Variants in GRXCR2 observed in about 807,000 individuals in gnomAD.
GRXCR2 encodes the protein glutaredoxin domain-containing cysteine-rich protein 2.
Under a neutral mutation model 24.8 loss-of-function variants are expected in GRXCR2, and 23 were observed. That is an observed-to-expected ratio of 0.93 (90% CI 0.67 to 1.32). The LOEUF (loss-of-function observed/expected upper bound fraction) is 1.32, where lower values mean the gene tolerates loss of function less well. Among genes scored for constraint, GRXCR2 ranks in the 40% most tolerant of loss-of-function variants. GRXCR2 has a pLI of 0.00. For missense variants in GRXCR2, 315 were observed against 303.4 expected (o/e 1.04, Z -0.28); for synonymous variants, 130 against 116.1 (o/e 1.12, Z -0.77).
At chr5:145,894,322 C>CA (rs551168952) in intron 2 of GRXCR2, among the ~76,000 whole-genome samples, 3,133 of 152,146 alleles carry the variant, frequency 0.021, 107 homozygotes, top group African/African-American at 0.072. Context: ...AAAAACCCTT[C>CA]AAAAAATCAA....
In GRXCR2 at chr5:145,858,964, A is replaced by G. The variant is rs1460319982; in HGVS notation, c.*769T>C. The stretch of plus-strand genomic sequence containing the variant: ...CTTAAAGTGGATTTATTTATTTGGT[A>G]GTAATTCAGGGGCTCGAAGAAGTTA... On this transcript the variant is annotated 3_prime_UTR_variant, in exon 3 of 3. Transcript: ENST00000377976. 1.3e-5 allele frequency: 2 copies of G among 152,238 alleles called. No homozygotes were observed. The highest frequency in any genetic ancestry group is 2.9e-5 in the Non-Finnish European group (2 of 68,040). 9.4% of individuals were successfully genotyped at this position (152,238 alleles called of 1,614,324 possible).
At chr5:145,872,328 A>G (rs1756544877) in intron 1 of GRXCR2, among the ~76,000 whole-genome samples, 1 of 152,212 alleles carries the variant, frequency 6.6e-6, no homozygotes, top group African/African-American at 2.4e-5. Context: ...CAACCTGAAA[A>G]CCACTGCACC....
At chr5:145,894,499 A>G (rs1387522658) in intron 2 of GRXCR2, among the ~76,000 whole-genome samples, 3 of 152,236 alleles carry the variant, frequency 2.0e-5, no homozygotes, top group Non-Finnish European at 4.4e-5. Context: ...AGAATACTAT[A>G]AACACTTCTA....
chr5:145,861,052 C>T (rs892505477), intron 2 of GRXCR2, among the ~76,000 whole-genome samples: 4 of 151,788 alleles, frequency 2.6e-5, no homozygotes, highest in South Asian at 2.1e-4. Context: ...GATACTAGAT[C>T]GAAACCTGCT....
At chr5:145,883,034 AG>A (rs1484551125) in intron 2 of GRXCR2, among the ~76,000 whole-genome samples, 4 of 22,354 alleles carry the variant, frequency 1.8e-4, no homozygotes, top group Non-Finnish European at 3.3e-4. Flanking sequence ...GGGTGGGGGG[AG>A]GGGGGAGGGA....
rs1244702343 is a variant in GRXCR2, at chr5:145,859,721, A to C, written c.*12T>G. On this transcript the variant is annotated 3_prime_UTR_variant, in exon 3 of 3. Transcript: ENST00000377976. ...GAGGGTAAGATAACAGTGGACATGC[A>C]AAAGCCACGGGCTATTGATTGCAAA... 1 of 1,613,952 alleles carries C rather than the reference A, an allele frequency of 6.2e-7. No homozygotes were observed. The highest frequency in any genetic ancestry group is 2.2e-5 in the East Asian group (1 of 44,880).
rs78331711 is a variant in GRXCR2 at position 145,864,666 on chromosome 5, T to G, written c.564+1835A>C. Among the ~76,000 whole-genome samples, 32 of 152,256 alleles carry G rather than the reference T, an allele frequency of 2.1e-4. 1 individual carries two copies. In the East Asian group the frequency reaches 5.2e-3, roughly 25 times the overall value. Reference sequence around the variant, plus strand: ...CCCTGCTGCCATGTAAGATGTGCCTTGCTTCCCCTTCACCTTCCACCAAGA... The same window carrying G: ...CCCTGCTGCCATGTAAGATGTGCCTGGCTTCCCCTTCACCTTCCACCAAGA... On this transcript the variant is annotated intron_variant, in intron 2 of 2. Transcript: ENST00000377976.
At chr5:145,893,221 C>A (rs1268078441) in intron 2 of GRXCR2, among the ~76,000 whole-genome samples, 1 of 152,146 alleles carries the variant, frequency 6.6e-6, no homozygotes, top group Non-Finnish European at 1.5e-5. Context: ...GAAACTGCAT[C>A]AATTAACAGG....
At chr5:145,875,410 G>A (rs1458815228), upstream of GRXCR2, among the ~76,000 whole-genome samples, 1 of 152,084 alleles carries the variant, frequency 6.6e-6, no homozygotes, top group African/African-American at 2.4e-5. Flanking sequence ...TTAGCAGGGT[G>A]TGGTGGCAGG....
At chr5:145,929,900 C>A (rs1757456964) in intron 2 of GRXCR2, among the ~76,000 whole-genome samples, 1 of 152,142 alleles carries the variant, frequency 6.6e-6, no homozygotes, top group Admixed American at 6.5e-5. Flanking sequence ...ACAATCACTT[C>A]CGTTTCTTTA....
At chr5:145,888,687 A>T (rs1193594757) in intron 2 of GRXCR2, among the ~76,000 whole-genome samples, 1 of 152,246 alleles carries the variant, frequency 6.6e-6, no homozygotes, top group Non-Finnish European at 1.5e-5. Context: ...CCTAAAAAAT[A>T]ACTATTACTA....
intron 2 of GRXCR2, among the ~76,000 whole-genome samples, chr5:145,899,190 A>G (rs1756991681): frequency 1.3e-5 from 2 of 152,156 alleles, no homozygotes; most frequent in South Asian, 2.1e-4. Context: ...ACCTAGGAAT[A>G]CATCTAACCT....
At chr5:145,867,107 T>C (rs984912819) in intron 1 of GRXCR2, among the ~76,000 whole-genome samples, 1 of 152,196 alleles carries the variant, frequency 6.6e-6, no homozygotes. Context: ...TCTCCAATTT[T>C]TTACCAGCAT....
chr5:145,887,356 C>G (rs1412684321), intron 2 of GRXCR2, among the ~76,000 whole-genome samples: 1 of 152,204 alleles, frequency 6.6e-6, no homozygotes, highest in Non-Finnish European at 1.5e-5. Context: ...CATTTCAAGG[C>G]CAGTAGTCGC....
chr5:145,887,149 G>A (rs766887755), intron 2 of GRXCR2, among the ~76,000 whole-genome samples: 1 of 152,184 alleles, frequency 6.6e-6, no homozygotes, highest in Non-Finnish European at 1.5e-5. Context: ...AGGCTGGAGT[G>A]CAGTAGCACG....
At chr5:145,924,992 T>C (rs1024099116) in intron 2 of GRXCR2, among the ~76,000 whole-genome samples, 2 of 152,148 alleles carry the variant, frequency 1.3e-5, no homozygotes, top group African/African-American at 2.4e-5. Flanking sequence ...TGCAACACAA[T>C]AGATAAGAGG....
chr5:145,925,790 T>C (rs936242351), intron 2 of GRXCR2, among the ~76,000 whole-genome samples: 1 of 152,184 alleles, frequency 6.6e-6, no homozygotes, highest in Non-Finnish European at 1.5e-5. Context: ...CTTTGACAGA[T>C]GTTATTTACA....
intron 2 of GRXCR2, among the ~76,000 whole-genome samples, chr5:145,881,792 A>C (rs1183802551): frequency 6.6e-6 from 1 of 152,214 alleles, no homozygotes; most frequent in Non-Finnish European, 1.5e-5. Context: ...GCAGTAACCA[A>C]AACAGCATGG....
intron 2 of GRXCR2, among the ~76,000 whole-genome samples, chr5:145,910,242 T>G (rs1463894647): frequency 2.6e-5 from 4 of 152,246 alleles, no homozygotes; most frequent in Admixed American, 2.6e-4. Flanking sequence ...ACACTTTAAC[T>G]TCTGAAACTC....
Sources: gnomAD v4.1 joint callset for allele counts (sites outside exome capture counted in the v4.1 genomes callset) on GRCh38, gnomAD v4.1.1 for gene constraint, MANE v1.5 for transcripts, NCBI Gene and HGNC (gene_info 2026-07-23, HGNC 2026-07-21) for gene names.